The following RAP1GAP2 variants were observed in gnomAD, a reference collection of about 807,000 sequenced individuals.
RAP1GAP2 encodes the protein rap1 GTPase-activating protein 2.
Under a neutral mutation model 95.0 loss-of-function variants are expected in RAP1GAP2, and 27 were observed. That is an observed-to-expected ratio of 0.28 (90% CI 0.21 to 0.39). RAP1GAP2 has a LOEUF of 0.39. RAP1GAP2 is among the 10% of genes least tolerant of loss of function. The pLI is 1.00. For missense variants in RAP1GAP2, 771 were observed against 970.0 expected, an observed-to-expected ratio of 0.79 and a Z score of 2.72; for synonymous variants, 373 against 380.9, an observed-to-expected ratio of 0.98 and a Z score of 0.24.
At chr17:2,854,146 G>A in intron 2 of RAP1GAP2, 3 of 985,352 alleles carry the variant, frequency 3.0e-6, no homozygotes, top group Non-Finnish European at 3.6e-6. Flanking sequence ...CTCTCCTGCT[G>A]CATGCCAGTT....
chr17:2,787,454 C>T (rs1376949191), intron 1 of RAP1GAP2, among the ~76,000 whole-genome samples: 1 of 152,088 alleles, frequency 6.6e-6, no homozygotes, highest in Admixed American at 6.6e-5. Context: ...TGGGGTCTTA[C>T]TATGTTGCTG....
At chr17:2,937,852 A>T (rs2043350765) in intron 3 of RAP1GAP2, among the ~76,000 whole-genome samples, 1 of 152,034 alleles carries the variant, frequency 6.6e-6, no homozygotes, top group African/African-American at 2.4e-5. Flanking sequence ...GCCCCCGGGG[A>T]TGGACCTGTG....
At chr17:2,826,924 T>G (rs1362493283) in intron 2 of RAP1GAP2, among the ~76,000 whole-genome samples, 1 of 152,190 alleles carries the variant, frequency 6.6e-6, no homozygotes, top group Non-Finnish European at 1.5e-5. Flanking sequence ...GAGAATCGCT[T>G]GAACCTGGGA....
chr17:2,916,313 A>G (rs939372932), intron 3 of RAP1GAP2, among the ~76,000 whole-genome samples: 3 of 151,426 alleles, frequency 2.0e-5, no homozygotes, highest in Non-Finnish European at 4.4e-5. Flanking sequence ...AGATACTGGT[A>G]ATTGATCATG....
At chr17:2,787,148 A>G (rs2068802767) in intron 1 of RAP1GAP2, among the ~76,000 whole-genome samples, 1 of 148,744 alleles carries the variant, frequency 6.7e-6, no homozygotes, top group Non-Finnish European at 1.5e-5. Flanking sequence ...ACAGGGTTTT[A>G]CCATGTTGGC....
intron 2 of RAP1GAP2, among the ~76,000 whole-genome samples, chr17:2,846,792 T>A (rs1005936936): frequency 6.6e-6 from 1 of 152,156 alleles, no homozygotes; most frequent in Non-Finnish European, 1.5e-5. Flanking sequence ...CCCAGGTTCG[T>A]CTGACTGCAG....
chr17:2,932,584 CAAAAAAAAAAA>C (rs71153311), intron 3 of RAP1GAP2, among the ~76,000 whole-genome samples: 1 of 52,328 alleles, frequency 1.9e-5, no homozygotes, highest in African/African-American at 7.6e-5. Flanking sequence ...GACTCCATCT[CAAAAAAAAAAA>C]AAAAAAAAAG....
chr17:2,840,991 C>T (rs2071351176), intron 2 of RAP1GAP2, among the ~76,000 whole-genome samples: 1 of 146,324 alleles, frequency 6.8e-6, no homozygotes, highest in African/African-American at 2.5e-5. Flanking sequence ...GGGTGAGACC[C>T]TGTTTAAAAA....
At chr17:2,947,797 C>A (rs1047092919) in intron 3 of RAP1GAP2, among the ~76,000 whole-genome samples, 3 of 152,116 alleles carry the variant, frequency 2.0e-5, no homozygotes, top group Admixed American at 6.5e-5. Flanking sequence ...TGCCCTGTTT[C>A]CCCAGCTTTC....
At position 2,867,938 on chromosome 17, in the gene RAP1GAP2, C is replaced by T. The variant is rs1254128302; in HGVS notation, c.81-37346C>T. Among the ~76,000 whole-genome samples the T allele has an allele frequency of 3.3e-5, 5 of 152,130 alleles. No homozygotes were observed. Among genetic ancestry groups the T allele is most frequent in the African/African-American group, 1.2e-4 (5 of 41,434 alleles). ...CTTCACGGATGCAGCTCGCGGGATCCCCAAGCCTTTGGTAGTAAACACACT... is the reference window on the plus strand; with the variant it reads ...CTTCACGGATGCAGCTCGCGGGATCTCCAAGCCTTTGGTAGTAAACACACT... On this transcript the variant is annotated intron_variant, in intron 2 of 24. Transcript: ENST00000254695. This position sits in a 1 kb window ranked among gnomAD's most constrained non-coding sequence, Gnocchi z 4.5.
chr17:3,020,599 A>G lies in RAP1GAP2; in HGVS notation c.1751+4A>G. The G allele has an allele frequency of 6.2e-7, 1 of 1,612,436 alleles. No homozygotes were observed. The highest frequency in any genetic ancestry group is 1.3e-5 in the African/African-American group (1 of 75,022). On this transcript the variant is annotated splice_donor_region_variant and intron_variant, in intron 19 of 24. Coordinates refer to ENST00000254695, the MANE Select transcript of RAP1GAP2 (RefSeq NM_015085.5). ...AGGGCGACAGCCGGGCACGATGGTAACTGTTGGGAAACCCCTACCCCAGCC... is the reference window on the plus strand; with the variant it reads ...AGGGCGACAGCCGGGCACGATGGTAGCTGTTGGGAAACCCCTACCCCAGCC...
Position 2,931,562 on chromosome 17 carries a change from G to A in RAP1GAP2, c.165+26194G>A, listed in dbSNP as rs141158281. 5.4e-4 allele frequency among the ~76,000 whole-genome samples: 82 copies of A among 152,318 alleles called. 2 individuals are homozygous for A. Among genetic ancestry groups the A allele is most frequent in the African/African-American group, 1.8e-3 (75 of 41,576 alleles). On this transcript the variant is annotated intron_variant, in intron 3 of 24. Transcript: ENST00000254695. ...GCTGGCAAAAGGGGGTGGGGCAATC[G>A]TGTTATTTAACATACAGCTTATAGG... is the stretch of plus-strand genomic sequence containing the variant.
Position 3,020,596 on chromosome 17 carries a change from G to T in RAP1GAP2, c.1751+1G>T. 6.2e-7 allele frequency: 1 copy of T among 1,612,766 alleles called. No individual in the cohort carries two copies. The highest frequency in any genetic ancestry group is 8.5e-7 in the Non-Finnish European group (1 of 1,179,430). On this transcript the variant is annotated splice_donor_variant, in intron 19 of 24. Transcript: ENST00000254695. LOFTEE classifies it high-confidence loss of function. ...GCCAGGGCGACAGCCGGGCACGATG[G>T]TAACTGTTGGGAAACCCCTACCCCA...
chr17:2,927,217 G>A (rs12943831), intron 3 of RAP1GAP2, among the ~76,000 whole-genome samples: 3,488 of 150,644 alleles, frequency 0.023, 53 homozygotes, highest in Non-Finnish European at 0.036. Context: ...GCAGTGGCGC[G>A]ATCTCGGCTC....
rs73296681 is a variant in RAP1GAP2, at chr17:2,977,409, A to G, written c.597-2878A>G. ...GAGATGTCACAGACTAGTTTTAGCA[A>G]ACCTTTAAGGAATGAGAAAATCTCT... On this transcript the variant is annotated intron_variant, in intron 8 of 24. Transcript: ENST00000254695. 2.8e-3 allele frequency among the ~76,000 whole-genome samples: 423 copies of G among 152,302 alleles called. 1 individual carries two copies. Among genetic ancestry groups the G allele is most frequent in the African/African-American group, 9.5e-3 (395 of 41,566 alleles).
At chr17:2,813,832 A>T (rs529576613) in intron 2 of RAP1GAP2, among the ~76,000 whole-genome samples, 1 of 152,200 alleles carries the variant, frequency 6.6e-6, no homozygotes, top group East Asian at 1.9e-4. Context: ...GCATGGTGGC[A>T]CGTGCCTGTA....
At chr17:2,922,827 T>G (rs1567782151) in intron 3 of RAP1GAP2, among the ~76,000 whole-genome samples, 1 of 89,422 alleles carries the variant, frequency 1.1e-5, no homozygotes, top group Admixed American at 1.1e-4. Flanking sequence ...TTTCTTTTTG[T>G]TTTTGTTTTT....
chr17:2,985,847 G>A (rs2045540845), intron 11 of RAP1GAP2, among the ~76,000 whole-genome samples: 1 of 152,162 alleles, frequency 6.6e-6, no homozygotes, highest in Non-Finnish European at 1.5e-5. Flanking sequence ...TGAACTTAGT[G>A]GTTTCCATAC....
At chr17:2,970,497 A>G (rs955759685) in intron 8 of RAP1GAP2, among the ~76,000 whole-genome samples, 6 of 152,102 alleles carry the variant, frequency 3.9e-5, no homozygotes, top group Admixed American at 1.3e-4. Flanking sequence ...GTAAATTCCA[A>G]CTTTCACCAG....
Sources: allele counts gnomAD v4.1 joint callset (sites outside exome capture counted in the v4.1 genomes callset), GRCh38; gene constraint gnomAD v4.1.1; non-coding constraint Gnocchi (gnomAD v3.1); transcripts MANE v1.5; gene names NCBI Gene and HGNC (gene_info 2026-07-23, HGNC 2026-07-21).